The following PXDC1 variants were observed in gnomAD, a reference collection of about 807,000 sequenced individuals.
The protein encoded by PXDC1 is PX domain-containing protein 1.
In PXDC1, 13 loss-of-function variants were observed where a neutral mutation model predicts 24.4. The observed-to-expected ratio is 0.53, with a 90% CI of 0.35 to 0.85. PXDC1 has a LOEUF of 0.85. PXDC1 is among the 40% of genes least tolerant of loss of function. PXDC1 has a pLI of 0.01. For synonymous variants in PXDC1, 162 were observed against 124.9 expected (o/e 1.30, Z -1.98); for missense variants, 344 against 309.3 (o/e 1.11, Z -0.84).
At chr6:3,747,024 A>G (rs906811792) in intron 1 of PXDC1, among the ~76,000 whole-genome samples, 1 of 152,152 alleles carries the variant, frequency 6.6e-6, no homozygotes, top group Non-Finnish European at 1.5e-5. Context: ...GATAAAGATG[A>G]GCACAGGCAG....
chr6:3,735,459 G>A (rs950681813), intron 3 of PXDC1, among the ~76,000 whole-genome samples: 2 of 152,196 alleles, frequency 1.3e-5, no homozygotes, highest in African/African-American at 4.8e-5. Context: ...GTCATTTGTG[G>A]CAACATGAAT....
rs115154527 is a variant in PXDC1, at chr6:3,741,182, C to T, written c.257-3034G>A. 2.2e-3 allele frequency among the ~76,000 whole-genome samples: 334 copies of T among 152,324 alleles called. 2 individuals carry two copies. The highest frequency in any genetic ancestry group is 7.6e-3 in the African/African-American group (316 of 41,572). ...GGTCACCAGCCTCGAAGGAGAGTCTCGAGGGCCAAGTGGCACTAAAACTGC... is the reference window on the plus strand; with the variant it reads ...GGTCACCAGCCTCGAAGGAGAGTCTTGAGGGCCAAGTGGCACTAAAACTGC... On this transcript the variant is annotated intron_variant, in intron 1 of 4. Transcript: ENST00000380283.
chr6:3,739,114 T>A (rs1048369846), intron 1 of PXDC1: 177 of 1,175,476 alleles, frequency 1.5e-4, no homozygotes, highest in Admixed American at 5.8e-4. Flanking sequence ...TGATTTTGTT[T>A]TGCAGGGGAA....
chr6:3,732,861 C>CA (rs1760233068), intron 3 of PXDC1, among the ~76,000 whole-genome samples: 1 of 152,222 alleles, frequency 6.6e-6, no homozygotes, highest in Non-Finnish European at 1.5e-5. Context: ...CCTCCCTACA[C>CA]GTATGTCAGT....
chr6:3,751,271 CG>C lies in PXDC1; in HGVS notation c.256+4del. On this transcript the variant is annotated splice_donor_region_variant and intron_variant, in intron 1 of 4. Transcript: ENST00000380283. The stretch of plus-strand genomic sequence containing the variant: ...CGCGCCCCTCCCGCGTCCCCGGCCC[CG>C]CACCTTGCCGCAGCGGCCCCTGCGC... The C allele has an allele frequency of 6.6e-7, 1 of 1,508,490 alleles. No individual in the cohort carries two copies. Among genetic ancestry groups the C allele is most frequent in the South Asian group, 1.2e-5 (1 of 80,256 alleles). 93.4% of individuals were successfully genotyped at this position (1,508,490 alleles called of 1,614,324 possible).
At chr6:3,735,023 G>A (rs946586064) in intron 3 of PXDC1, among the ~76,000 whole-genome samples, 13 of 152,048 alleles carry the variant, frequency 8.5e-5, no homozygotes, top group Admixed American at 2.6e-4. Context: ...CTGCACCACC[G>A]CACTCCAGCC....
chr6:3,751,364 G>T lies in PXDC1; in HGVS notation c.168C>A (p.Ser56Arg). 1.3e-6 allele frequency: 2 copies of T among 1,560,844 alleles called. No individual in the cohort carries two copies. Among genetic ancestry groups the T allele is most frequent in the Non-Finnish European group, 8.7e-7 (1 of 1,154,990 alleles). The change falls in exon 1 of 5, where the codon AGC (serine) becomes AGA (arginine). Residue 56 changes from serine (S) to arginine (R), a missense_variant. Physicochemically the swap from Ser to Arg is moderately radical, Grantham distance 110. Coordinates refer to ENST00000380283, the MANE Select transcript of PXDC1 (RefSeq NM_183373.4). Reference sequence around the variant, plus strand: ...GCCACAGGCGGCCCAGGTCCGCCAGGCTGCGGTGCAGGTAGAGCACGCTGC... The same window carrying T: ...GCCACAGGCGGCCCAGGTCCGCCAGTCTGCGGTGCAGGTAGAGCACGCTGC... ...SDRSVLYLHR[S>R]LADLGRLWQR...
intron 1 of PXDC1, among the ~76,000 whole-genome samples, chr6:3,745,258 C>T (rs1474524328): frequency 1.3e-5 from 2 of 152,204 alleles, no homozygotes; most frequent in Non-Finnish European, 2.9e-5. Flanking sequence ...CCAAGCGGCT[C>T]GCTGCTCTCA....
chr6:3,735,742 G>A (rs1443540699), intron 3 of PXDC1, among the ~76,000 whole-genome samples: 1 of 152,164 alleles, frequency 6.6e-6, no homozygotes. Flanking sequence ...AAAATAGCTG[G>A]AAGAGAGGAT....
At chr6:3,750,471 C>CA (rs1194987837) in intron 1 of PXDC1, among the ~76,000 whole-genome samples, 1 of 152,150 alleles carries the variant, frequency 6.6e-6, no homozygotes, top group African/African-American at 2.4e-5. Flanking sequence ...CTCCACCCCG[C>CA]AATTCTTCCC....
chr6:3,748,530 G>T (rs914086403), intron 1 of PXDC1, among the ~76,000 whole-genome samples: 14 of 152,086 alleles, frequency 9.2e-5, no homozygotes, highest in Non-Finnish European at 1.8e-4. Context: ...CACATACAAG[G>T]CCCAGGGATG....
chr6:3,744,666 A>G (rs992413266), intron 1 of PXDC1, among the ~76,000 whole-genome samples: 6 of 152,214 alleles, frequency 3.9e-5, no homozygotes, highest in African/African-American at 1.2e-4. Flanking sequence ...TTCTGGCTAC[A>G]AGAACTCTGT....
At chr6:3,730,526 AAAG>A (rs1258437507) in intron 3 of PXDC1, among the ~76,000 whole-genome samples, 3 of 152,206 alleles carry the variant, frequency 2.0e-5, no homozygotes, top group South Asian at 2.1e-4. Flanking sequence ...AAAAAAAAAA[AAAG>A]AAGAAAAAAC....
chr6:3,747,822 A>T (rs968610700), intron 1 of PXDC1, among the ~76,000 whole-genome samples: 3 of 152,212 alleles, frequency 2.0e-5, no homozygotes, highest in Non-Finnish European at 4.4e-5. Flanking sequence ...TCATGAGGGC[A>T]GGGATGTTCT....
At chr6:3,739,769 G>A (rs1325538662) in intron 1 of PXDC1, among the ~76,000 whole-genome samples, 1 of 152,158 alleles carries the variant, frequency 6.6e-6, no homozygotes, top group African/African-American at 2.4e-5. Context: ...TGAATTCCTT[G>A]CATAGAATTT....
chr6:3,751,291 C>T lies in PXDC1; in HGVS notation c.241G>A (p.Gly81Arg), dbSNP rs1760711227. ...FPEDRSELAQ[G>R]PLRQGLVAIK... is the part of the protein sequence containing the mutation. ...GGCCCCGCACCTTGCCGCAGCGGCC[C>T]CTGCGCCAGTTCGGACCGGTCCTCG... The change falls in exon 1 of 5, where the codon GGG (glycine) becomes AGG (arginine). Residue 81 changes from glycine to arginine, a missense_variant. Physicochemically the swap from Gly to Arg is moderately radical, Grantham distance 125. Coordinates refer to ENST00000380283, the MANE Select transcript of PXDC1 (RefSeq NM_183373.4). 3 of 1,528,288 alleles carry T rather than the reference C, an allele frequency of 2.0e-6. No homozygotes were observed. The highest frequency in any genetic ancestry group is 8.8e-7 in the Non-Finnish European group (1 of 1,142,100). 94.7% of individuals were successfully genotyped at this position (1,528,288 alleles called of 1,614,324 possible).
intron 3 of PXDC1, among the ~76,000 whole-genome samples, chr6:3,735,034 T>C (rs1760284011): frequency 6.6e-6 from 1 of 152,140 alleles, no homozygotes; most frequent in South Asian, 2.1e-4. Flanking sequence ...CACTCCAGCC[T>C]GGGCAACAGA....
chr6:3,738,508 T>A (rs544983622), intron 1 of PXDC1, among the ~76,000 whole-genome samples: 17 of 152,268 alleles, frequency 1.1e-4, no homozygotes, highest in African/African-American at 4.1e-4. Context: ...GCGTGGTGGC[T>A]ACAGTCAGGG....
intron 1 of PXDC1, among the ~76,000 whole-genome samples, chr6:3,746,944 T>A (rs182522279): frequency 1.3e-5 from 2 of 152,194 alleles, no homozygotes; most frequent in Non-Finnish European, 2.9e-5. Context: ...CAGATGCCAG[T>A]CCCCTGGTAC....
Sources: allele counts gnomAD v4.1 joint callset (sites outside exome capture counted in the v4.1 genomes callset), GRCh38; gene constraint gnomAD v4.1.1; transcripts MANE v1.5; gene names NCBI Gene and HGNC (gene_info 2026-07-23, HGNC 2026-07-21).